The following PCDHGA5 variants were observed in gnomAD, a reference collection of about 807,000 sequenced individuals.
PCDHGA5 encodes the protein protocadherin gamma subfamily A, 5, also known as protocadherin gamma-A5.
In PCDHGA5, 36 loss-of-function variants were observed where a neutral mutation model predicts 56.7. The ratio of observed to expected loss-of-function variants is 0.64; its 90% CI spans 0.49 to 0.84. PCDHGA5 has a LOEUF of 0.84. Ranked by LOEUF, PCDHGA5 falls within the 40% of genes least tolerant of loss-of-function variation. PCDHGA5 has a pLI of 0.00. For synonymous variants in PCDHGA5, 563 were observed against 520.2 expected (o/e 1.08, Z -1.12); for missense variants, 1,305 against 1,201.5 (o/e 1.09, Z -1.27).
At chr5:141,374,607 AT>A in intron 1 of PCDHGA5, 5 of 1,613,660 alleles carry the variant, frequency 3.1e-6, no homozygotes, top group Non-Finnish European at 4.2e-6. Flanking sequence ...CTCAGTGGTA[AT>A]AGTCACTTCT....
intron 1 of PCDHGA5, chr5:141,416,038 G>T: frequency 5.1e-6 from 1 of 196,894 alleles, no homozygotes; most frequent in Non-Finnish European, 1.0e-5. Flanking sequence ...AATCACCTCT[G>T]GAAACACAAC....
rs773470378 is a variant in PCDHGA5 at position 141,365,015 on chromosome 5, C to A, written c.685C>A (p.Arg229Ser). Reference sequence around the variant, plus strand: ...GGTACTCTCCGGCACCACGCACATCCGTGTTACGGTCCTCGACGCAAACGA... The same window carrying A: ...GGTACTCTCCGGCACCACGCACATCAGTGTTACGGTCCTCGACGCAAACGA... ...DPVLSGTTHI[R>S]VTVLDANDNA... Residue 229 changes from arginine (R) to serine (S), a missense_variant, in exon 1 of 4, where the codon CGT (arginine) becomes AGT (serine). Arg to Ser is a moderately radical substitution (Grantham distance 110). Coordinates refer to ENST00000518069, the MANE Select transcript of PCDHGA5 (RefSeq NM_018918.3). 2 of 1,613,904 alleles carry A rather than the reference C, an allele frequency of 1.2e-6. No individual in the cohort carries two copies. Among genetic ancestry groups the A allele is most frequent in the South Asian group, 2.2e-5 (2 of 91,088 alleles).
intron 1 of PCDHGA5, among the ~76,000 whole-genome samples, chr5:141,494,218 T>C (rs1224329242): frequency 1.3e-5 from 2 of 152,222 alleles, no homozygotes; most frequent in South Asian, 2.1e-4. Context: ...CAATCTGGCA[T>C]GACTCCTAAA....
Position 141,364,290 on chromosome 5 carries a change from G to C in PCDHGA5, c.-41G>C. On this transcript the variant is annotated 5_prime_UTR_variant, in exon 1 of 4. Coordinates refer to ENST00000518069, the MANE Select transcript of PCDHGA5 (RefSeq NM_018918.3). The stretch of plus-strand genomic sequence containing the variant: ...CTTTAGATAAATAAGGAAACAGCAG[G>C]CTGAACCAGAACTAAGAGAAAATTG... 1.3e-6 allele frequency: 2 copies of C among 1,518,718 alleles called. No individual in the cohort carries two copies. The highest frequency in any genetic ancestry group is 1.8e-6 in the Non-Finnish European group (2 of 1,135,942). The allele number at this position is 1,518,718 out of a possible 1,614,324, so 94.1% of individuals were successfully genotyped here. A position where few individuals can be genotyped will look rare whatever the true frequency, so the allele number is the denominator to read the frequency against.
chr5:141,455,093 T>C (rs2098812615), intron 1 of PCDHGA5, among the ~76,000 whole-genome samples: 1 of 152,060 alleles, frequency 6.6e-6, no homozygotes, highest in African/African-American at 2.4e-5. Context: ...ATTACAGGCT[T>C]GAGCCACTGC....
intron 1 of PCDHGA5, chr5:141,372,188 G>A (rs771970227): frequency 1.2e-6 from 2 of 1,613,434 alleles, no homozygotes; most frequent in Admixed American, 1.7e-5. Context: ...ACGCAGACTC[G>A]GGATACAACG....
chr5:141,507,613 T>G (rs1003099044), intron 3 of PCDHGA5, among the ~76,000 whole-genome samples: 1 of 152,248 alleles, frequency 6.6e-6, no homozygotes, highest in African/African-American at 2.4e-5. Context: ...ACAGGTATAT[T>G]TAGCTGTTGT....
intron 1 of PCDHGA5, chr5:141,383,239 A>G: frequency 6.2e-7 from 1 of 1,613,966 alleles, no homozygotes; most frequent in Non-Finnish European, 8.5e-7. Flanking sequence ...GGAAGATAAA[A>G]TGAATCTTTA....
At position 141,364,398 on chromosome 5, in the gene PCDHGA5, T is replaced by TG; in HGVS notation, c.69dup (p.Cys24ValfsTer48). On this transcript the variant is annotated frameshift_variant, in exon 1 of 4. Transcript: ENST00000518069. LOFTEE classifies it high-confidence loss of function. ...CTGCCCTTCATGCTCCTGGGGACGCTGTGCGAGCCAGGATCCGGGCAGATC... is the reference window on the plus strand; with the variant it reads ...CTGCCCTTCATGCTCCTGGGGACGCTGGTGCGAGCCAGGATCCGGGCAGATC... The TG allele has an allele frequency of 6.2e-6, 10 of 1,605,684 alleles. No homozygotes were observed. The highest frequency in any genetic ancestry group is 7.7e-6 in the Non-Finnish European group (9 of 1,175,722).
At chr5:141,423,120 G>A in intron 1 of PCDHGA5, 1 of 1,613,800 alleles carries the variant, frequency 6.2e-7, no homozygotes. Flanking sequence ...GTACAGCGCG[G>A]GCACTGCTGG....
Position 141,365,352 on chromosome 5 carries a change from A to G in PCDHGA5, c.1022A>G (p.Asn341Ser). ...GTGGTGGTCACAGTACAGGACGTGA[A>G]TGACAATGCCCCCGAAGTGATCCTC... ...AKVVVTVQDV[N>S]DNAPEVILTS... The change falls in exon 1 of 4, where the codon AAT becomes AGT. Residue 341 changes from asparagine (N) to serine (S), a missense_variant. By Grantham distance (46) the Asn-to-Ser change is conservative. Coordinates refer to ENST00000518069, the MANE Select transcript of PCDHGA5 (RefSeq NM_018918.3). 6.2e-7 allele frequency: 1 copy of G among 1,613,938 alleles called. No homozygotes were observed.
At chr5:141,394,378 A>G (rs373024642) in intron 1 of PCDHGA5, 91 of 1,614,090 alleles carry the variant, frequency 5.6e-5, no homozygotes, top group Non-Finnish European at 6.9e-5. Flanking sequence ...TCTTTCGACT[A>G]TGAGCAGATC....
chr5:141,485,065 A>G lies in PCDHGA5; in HGVS notation c.2422-9742A>G, dbSNP rs527439590. On this transcript the variant is annotated intron_variant, in intron 1 of 3. Transcript: ENST00000518069. The surrounding 1 kb of genome is among the most constrained non-coding windows in gnomAD (Gnocchi z 5.7). ...TGCGGCGCCGGCCGAACCGCGCCAG[A>G]GCTGGCGCGGGGAAAGGGAGATAGG... The G allele has an allele frequency of 4.2e-5, 37 of 877,696 alleles. No individual in the cohort carries two copies. Among genetic ancestry groups the G allele is most frequent in the Non-Finnish European group, 6.5e-5 (36 of 552,826 alleles). The allele number at this position is 877,696 out of a possible 1,614,324, so 54.4% of individuals were successfully genotyped here. A position where few individuals can be genotyped will look rare whatever the true frequency, so the allele number is the denominator to read the frequency against.
chr5:141,490,981 C>T lies in PCDHGA5; in HGVS notation c.2422-3826C>T. 19 of 1,614,096 alleles carry T rather than the reference C, an allele frequency of 1.2e-5. No homozygotes were observed. The highest frequency in any genetic ancestry group is 1.5e-5 in the Non-Finnish European group (18 of 1,180,018). Reference sequence around the variant, plus strand: ...ACACTCAGCCCCCCAGCGTCTCCCTCGCTCTGCTCCTCCTGGCTCCTTGGT... The same window carrying T: ...ACACTCAGCCCCCCAGCGTCTCCCTTGCTCTGCTCCTCCTGGCTCCTTGGT... On this transcript the variant is annotated intron_variant, in intron 1 of 3. Transcript: ENST00000518069. The surrounding 1 kb of genome is among the most constrained non-coding windows in gnomAD (Gnocchi z 5.4).
intron 1 of PCDHGA5, chr5:141,399,309 CA>C: frequency 6.2e-7 from 1 of 1,613,902 alleles, no homozygotes; most frequent in Non-Finnish European, 8.5e-7. Flanking sequence ...TCTCTTCATC[CA>C]AAAATTCGTA....
chr5:141,375,487 T>G, intron 1 of PCDHGA5: 1 of 1,613,830 alleles, frequency 6.2e-7, no homozygotes, highest in Non-Finnish European at 8.5e-7. Context: ...ACCCCAGGGG[T>G]GCCTCCATCT....
chr5:141,445,973 G>A (rs563637331), intron 1 of PCDHGA5, among the ~76,000 whole-genome samples: 28 of 152,326 alleles, frequency 1.8e-4, no homozygotes, highest in African/African-American at 6.0e-4. Flanking sequence ...ATTGATTTAT[G>A]AGGGTTATAA....
chr5:141,475,715 C>A (rs989484033), intron 1 of PCDHGA5, among the ~76,000 whole-genome samples: 3 of 152,366 alleles, frequency 2.0e-5, no homozygotes, highest in South Asian at 4.1e-4. Context: ...AGCCTCACAG[C>A]CCCAAGGCTG....
intron 2 of PCDHGA5, among the ~76,000 whole-genome samples, chr5:141,498,604 C>G (rs1445417630): frequency 6.6e-6 from 1 of 152,122 alleles, no homozygotes; most frequent in East Asian, 1.9e-4. Flanking sequence ...GGTTCAAGTT[C>G]AAGTCAGCAC....
Sources: gnomAD v4.1 joint callset for allele counts (sites outside exome capture counted in the v4.1 genomes callset) on GRCh38, gnomAD v4.1.1 for gene constraint, Gnocchi (gnomAD v3.1) non-coding constraint, MANE v1.5 for transcripts, NCBI Gene and HGNC (gene_info 2026-07-23, HGNC 2026-07-21) for gene names.